The following PDE4A variants were observed in gnomAD, a reference collection of about 807,000 sequenced individuals.
PDE4A encodes the protein 3',5'-cyclic-AMP phosphodiesterase 4A.
A neutral mutation model predicts 73.9 loss-of-function variants in PDE4A; 21 were observed. The observed-to-expected ratio is 0.28, with a 90% CI of 0.20 to 0.41. The LOEUF (loss-of-function observed/expected upper bound fraction) is 0.41. Among genes scored for constraint, PDE4A ranks in the 10% least tolerant of loss-of-function variants. The pLI, the probability that PDE4A is intolerant of heterozygous loss-of-function variation, is 1.00. For synonymous variants in PDE4A, 463 were observed against 505.4 expected, an observed-to-expected ratio of 0.92 and a Z score of 1.13; for missense variants, 958 against 1,211.4, an observed-to-expected ratio of 0.79 and a Z score of 3.10.
intron 1 of PDE4A, chr19:10,430,915 C>A: frequency 6.7e-7 from 1 of 1,498,896 alleles, no homozygotes; most frequent in Non-Finnish European, 8.8e-7. Context: ...GCGGTGGCGG[C>A]TGAGGACGAG....
intron 12 of PDE4A, 73 bp downstream of exon 12, chr19:10,461,753 T>G: frequency 1.9e-6 from 3 of 1,592,938 alleles, no homozygotes; most frequent in Non-Finnish European, 2.6e-6. Flanking sequence ...GGAGTGGGTC[T>G]GAGTCCCAGA....
chr19:10,452,309 T>C (rs2043103588), intron 6 of PDE4A, among the ~76,000 whole-genome samples: 1 of 151,738 alleles, frequency 6.6e-6, no homozygotes, highest in African/African-American at 2.4e-5. Context: ...TGCTGGAGGG[T>C]GCCTGTAATC....
intron 6 of PDE4A, 142 bp from the exon 7 acceptor site, chr19:10,454,687 G>A (rs958289228): frequency 2.1e-6 from 3 of 1,427,166 alleles, no homozygotes; most frequent in African/African-American, 2.8e-5. Flanking sequence ...CAACCCCCCA[G>A]CAGTCTTATA....
chr19:10,420,688 G>C lies in PDE4A; in HGVS notation c.-77G>C. 7.2e-7 allele frequency: 1 copy of C among 1,383,934 alleles called. No homozygotes were observed. The highest frequency in any genetic ancestry group is 9.3e-7 in the Non-Finnish European group (1 of 1,078,642). 85.7% of individuals were successfully genotyped at this position (1,383,934 alleles called of 1,614,324 possible). A position where few individuals can be genotyped will look rare whatever the true frequency, so the allele number is the denominator to read the frequency against. On this transcript the variant is annotated 5_prime_UTR_variant, in exon 1 of 15. Coordinates refer to ENST00000380702, the MANE Select transcript of PDE4A (RefSeq NM_001111307.2). This position sits in a 1 kb window ranked among gnomAD's most constrained non-coding sequence, Gnocchi z 6.0. ...GGCGCACCCGCGGGGCCCTGGGCTC[G>C]CTGGCTTGCGCGCAGCTGAGCGGGG... is the stretch of plus-strand genomic sequence containing the variant.
At chr19:10,462,679 C>G (rs1038716375) in intron 13 of PDE4A, among the ~76,000 whole-genome samples, 8 of 152,112 alleles carry the variant, frequency 5.3e-5, no homozygotes, top group Non-Finnish European at 4.4e-5. Flanking sequence ...TCCTTCCCAT[C>G]TCTCCCACCA....
intron 6 of PDE4A, among the ~76,000 whole-genome samples, chr19:10,451,887 G>T (rs1487847374): frequency 6.6e-6 from 1 of 152,008 alleles, no homozygotes; most frequent in Admixed American, 6.6e-5. Flanking sequence ...CTTTGTTGGG[G>T]GGTGCTTACA....
upstream of PDE4A, among the ~76,000 whole-genome samples, chr19:10,418,562 T>C (rs376244219): frequency 8.0e-5 from 12 of 149,678 alleles, no homozygotes; most frequent in Non-Finnish European, 1.2e-4. Context: ...CATGGTCCAA[T>C]GGTTCATTTC....
chr19:10,438,159 C>A (rs2042890402), intron 1 of PDE4A, among the ~76,000 whole-genome samples: 1 of 150,064 alleles, frequency 6.7e-6, no homozygotes, highest in Admixed American at 6.7e-5. Flanking sequence ...TGTCGCCAGG[C>A]TGGAGTGCAG....
At position 10,467,044 on chromosome 19, in the gene PDE4A, C is replaced by T; in HGVS notation, c.2084C>T (p.Ser695Leu). The T allele has an allele frequency of 6.2e-7, 1 of 1,614,160 alleles. No homozygotes were observed. Among genetic ancestry groups the T allele is most frequent in the Non-Finnish European group, 8.5e-7 (1 of 1,180,028 alleles). Residue 695 changes from serine (S) to leucine (L), a missense_variant, in exon 15 of 15, where the codon TCA becomes TTA. Ser to Leu is a moderately radical substitution (Grantham distance 145). Around this residue, in one of 3 missense-constraint regions of PDE4A, gnomAD observed 243 missense variants for 245.9 expected, o/e 0.99. Transcript: ENST00000380702. ...QSPSPPPEEE[S>L]RGPGHPPLPD... ...CCATCTCCGCCACCCGAGGAGGAGT[C>T]AAGGGGGCCAGGCCACCCACCCCTG... is the stretch of plus-strand genomic sequence containing the variant.
chr19:10,459,334 C>T (rs957551253), intron 8 of PDE4A, 66 bp from the exon 9 acceptor site: 1 of 1,610,872 alleles, frequency 6.2e-7, no homozygotes, highest in African/African-American at 1.3e-5. Context: ...CTTCAAACTC[C>T]TAGGAAATGT....
chr19:10,457,729 C>T lies in PDE4A; in HGVS notation c.878-150C>T, dbSNP rs1488775541. On this transcript the variant is annotated intron_variant, in intron 7 of 14. Coordinates refer to ENST00000380702, the MANE Select transcript of PDE4A (RefSeq NM_001111307.2). ...GATTTCCCACATCCCCTCTGGTTTC[C>T]TGACTCTGAGTAGCCAGCGGCATCA... is the stretch of plus-strand genomic sequence containing the variant. 8.4e-6 allele frequency: 12 copies of T among 1,422,870 alleles called. No homozygotes were observed. In the Admixed American group the frequency reaches 3.2e-4, roughly 38 times the overall value. The allele number at this position is 1,422,870 out of a possible 1,614,324, so 88.1% of individuals were successfully genotyped here. A position where few individuals can be genotyped will look rare whatever the true frequency, so the allele number is the denominator to read the frequency against.
chr19:10,458,160 A>T lies in PDE4A; in HGVS notation c.1101+58A>T. 1 of 1,522,672 alleles carries T rather than the reference A, an allele frequency of 6.6e-7. No individual in the cohort carries two copies. The highest frequency in any genetic ancestry group is 9.1e-7 in the Non-Finnish European group (1 of 1,100,968). 94.3% of individuals were successfully genotyped at this position (1,522,672 alleles called of 1,614,324 possible). A position where few individuals can be genotyped will look rare whatever the true frequency, so the allele number is the denominator to read the frequency against. The stretch of plus-strand genomic sequence containing the variant: ...GGGGGTGGTCTCCTGGGACCCTGAG[A>T]AGGACTGGGCATTGGGTTATGTCTT... On this transcript the variant is annotated intron_variant, in intron 8 of 14. Coordinates refer to ENST00000380702, the MANE Select transcript of PDE4A (RefSeq NM_001111307.2). The surrounding 1 kb of genome is among the most constrained non-coding windows in gnomAD (Gnocchi z 4.6).
chr19:10,456,253 C>T (rs764777469), intron 7 of PDE4A, among the ~76,000 whole-genome samples: 11 of 151,778 alleles, frequency 7.2e-5, no homozygotes, highest in East Asian at 1.9e-4. Context: ...CTAGGCCGGG[C>T]GCAGTGGCTC....
intron 1 of PDE4A, among the ~76,000 whole-genome samples, chr19:10,445,796 C>A (rs1325722069): frequency 6.6e-6 from 1 of 151,002 alleles, no homozygotes; most frequent in Non-Finnish European, 1.5e-5. Context: ...AAATTCTCCA[C>A]CTGAATGTCT....
At chr19:10,441,216 T>G (rs1463040765) in intron 1 of PDE4A, among the ~76,000 whole-genome samples, 8 of 152,020 alleles carry the variant, frequency 5.3e-5, no homozygotes, top group Non-Finnish European at 1.2e-4. Context: ...ACAAGTTTTG[T>G]TTTTTTGTGT....
chr19:10,432,643 G>T, intron 1 of PDE4A: 1 of 1,409,398 alleles, frequency 7.1e-7, no homozygotes, highest in Non-Finnish European at 9.5e-7. Context: ...GGGGGTGGGG[G>T]TGCTGAGTCT....
rs774260751 is a variant in PDE4A at position 10,467,466 on chromosome 19, C to T, written c.2506C>T (p.Leu836Phe). The T allele has an allele frequency of 3.7e-6, 6 of 1,613,062 alleles. No homozygotes were observed. The East Asian group carries it at 1.1e-4, about 30-fold the overall frequency. The change falls in exon 15 of 15, where the codon CTC (leucine) becomes TTC (phenylalanine). Residue 836 changes from leucine to phenylalanine, a missense_variant. Leu to Phe is a conservative substitution (Grantham distance 22, BLOSUM62 0). This residue lies in a region of PDE4A where 243 missense variants were observed against 245.9 expected (regional missense o/e 0.99). Transcript: ENST00000380702. ...TLSVSEHAPG[L>F]PGLPSTAAEV... ...GTCTGTTTCAGAGCATGCCCCGGGCCTCCCGGGCCTCCCCTCCACGGCGGC... is the reference window on the plus strand; with the variant it reads ...GTCTGTTTCAGAGCATGCCCCGGGCTTCCCGGGCCTCCCCTCCACGGCGGC...
intron 2 of PDE4A, among the ~76,000 whole-genome samples, chr19:10,447,054 A>G (rs1049231031): frequency 1.3e-5 from 2 of 150,322 alleles, no homozygotes; most frequent in Non-Finnish European, 3.0e-5. Flanking sequence ...ACCCGCCACC[A>G]TGCCTGGCTA....
intron 1 of PDE4A, among the ~76,000 whole-genome samples, chr19:10,428,397 TGAGAGAGA>T (rs151327420): frequency 4.3e-5 from 5 of 116,094 alleles, no homozygotes; most frequent in East Asian, 2.4e-4. Context: ...AGAGAGATAT[TGAGAGAGA>T]GAGAGAGAGA....
Sources: allele counts gnomAD v4.1 joint callset (sites outside exome capture counted in the v4.1 genomes callset), GRCh38; gene constraint gnomAD v4.1.1; regional missense constraint gnomAD v4.1.1; non-coding constraint Gnocchi (gnomAD v3.1); transcripts MANE v1.5; gene names NCBI Gene and HGNC (gene_info 2026-07-23, HGNC 2026-07-21).